Variants in APMAP observed in about 807,000 individuals in gnomAD.
APMAP encodes the protein adipocyte plasma membrane-associated protein.
A neutral mutation model predicts 43.6 loss-of-function variants in APMAP; 33 were observed. The observed-to-expected ratio is 0.76, with a 90% CI of 0.57 to 1.01. The LOEUF (loss-of-function observed/expected upper bound fraction) is 1.01, where lower values mean the gene tolerates loss of function less well. Ranked by LOEUF, APMAP falls within the 50% of genes least tolerant of loss-of-function variation. APMAP has a pLI of 0.00. For missense variants in APMAP, 498 were observed against 540.7 expected, an observed-to-expected ratio of 0.92 and a Z score of 0.78; for synonymous variants, 224 against 216.7, an observed-to-expected ratio of 1.03 and a Z score of -0.30.
Position 24,963,820 on chromosome 20 carries a change from G to T in APMAP, c.1244C>A (p.Ala415Asp). Residue 415 changes from alanine (A) to aspartate (D), a missense_variant, in exon 9 of 9, where the codon GCT (alanine) becomes GAT (aspartate). Ala to Asp is a moderately radical substitution (Grantham distance 126, BLOSUM62 -2). Coordinates refer to ENST00000217456, the MANE Select transcript of APMAP (RefSeq NM_020531.3). ...SPFLCRLSLQ[A>D]V ...GGCAGCTATCTGGGAGGGCTAAACAGCCTGGAGGCTGAGTCTGCAGAGGAA... is the reference window on the plus strand; with the variant it reads ...GGCAGCTATCTGGGAGGGCTAAACATCCTGGAGGCTGAGTCTGCAGAGGAA... 1 of 1,614,142 alleles carries T rather than the reference G, an allele frequency of 6.2e-7. No homozygotes were observed.
At chr20:24,983,525 C>T (rs1189590575) in intron 2 of APMAP, among the ~76,000 whole-genome samples, 1 of 152,170 alleles carries the variant, frequency 6.6e-6, no homozygotes, top group Non-Finnish European at 1.5e-5. Flanking sequence ...AAAAAGAACA[C>T]TAATTATGGG....
chr20:24,979,543 T>C (rs2088082653), intron 2 of APMAP, among the ~76,000 whole-genome samples: 1 of 152,094 alleles, frequency 6.6e-6, no homozygotes, highest in South Asian at 2.1e-4. Context: ...CAACCCACCA[T>C]CAAGTTCTGC....
At chr20:24,978,653 T>C in intron 3 of APMAP, 114 bp downstream of exon 3, 2 of 791,934 alleles carry the variant, frequency 2.5e-6, no homozygotes, top group East Asian at 2.7e-5. Flanking sequence ...CTAAGAAGGA[T>C]GTGCAGGGCC....
Position 24,970,293 on chromosome 20 carries a change from G to C in APMAP, c.617C>G (p.Thr206Ser), listed in dbSNP as rs762759118. Residue 206 changes from threonine (T) to serine (S), a missense_variant, in exon 6 of 9, where the codon ACT becomes AGT. Transcript: ENST00000217456. ...GAAATAAATCTTCCTCCCATCCTGA[G>C]TGACTGTAAGATCATTCACAAAGGA... Reference protein sequence around the residue: ...NMSFVNDLTVTQDGRKIYFTD... With the variant: ...NMSFVNDLTVSQDGRKIYFTD... 1 of 1,614,064 alleles carries C rather than the reference G, an allele frequency of 6.2e-7. No individual in the cohort carries two copies. The highest frequency in any genetic ancestry group is 1.1e-5 in the South Asian group (1 of 91,074).
chr20:24,983,786 T>G (rs1254810666), intron 2 of APMAP, 117 bp downstream of exon 2: 9 of 660,840 alleles, frequency 1.4e-5, no homozygotes, highest in Non-Finnish European at 2.2e-5. Context: ...AAAACTCTAT[T>G]TCTCCTAACT....
At chr20:24,977,135 T>C (rs985717707) in intron 3 of APMAP, among the ~76,000 whole-genome samples, 1 of 152,222 alleles carries the variant, frequency 6.6e-6, no homozygotes, top group African/African-American at 2.4e-5. Context: ...ACCCATAGAA[T>C]GTATAAAACC....
chr20:24,991,413 C>T (rs778097721), intron 1 of APMAP, among the ~76,000 whole-genome samples: 4 of 152,218 alleles, frequency 2.6e-5, no homozygotes, highest in African/African-American at 4.8e-5. Flanking sequence ...TCCAGGGCAA[C>T]GCAGGATGGT....
At chr20:24,984,366 T>C (rs768122129) in intron 1 of APMAP, among the ~76,000 whole-genome samples, 1 of 152,168 alleles carries the variant, frequency 6.6e-6, no homozygotes, top group African/African-American at 2.4e-5. Flanking sequence ...ATGACATAAA[T>C]GATACACACT....
At position 24,983,896 on chromosome 20, in the gene APMAP, A is replaced by G; in HGVS notation, c.212+7T>C. 5.0e-6 allele frequency: 8 copies of G among 1,591,018 alleles called. No individual in the cohort carries two copies. The highest frequency in any genetic ancestry group is 6.9e-6 in the Non-Finnish European group (8 of 1,160,518). On this transcript the variant is annotated splice_region_variant and intron_variant, in intron 2 of 8. Coordinates refer to ENST00000217456, the MANE Select transcript of APMAP (RefSeq NM_020531.3). ...CAACCCCTCCTGAGGACTGCGGGGC[A>G]GCCTACCTGAGAGGCTGTGGATCTA... is the stretch of plus-strand genomic sequence containing the variant.
Position 24,963,979 on chromosome 20 carries a change from C to T in APMAP, c.1085G>A (p.Ser362Asn), listed in dbSNP as rs373605988. 27 of 1,614,118 alleles carry T rather than the reference C, an allele frequency of 1.7e-5. No individual in the cohort carries two copies. Among genetic ancestry groups the T allele is most frequent in the Middle Eastern group, 1.6e-4 (1 of 6,084 alleles). Residue 362 changes from serine to asparagine, a missense_variant, in exon 9 of 9, where the codon AGC becomes AAC. Coordinates refer to ENST00000217456, the MANE Select transcript of APMAP (RefSeq NM_020531.3). ...GCTGTCGCTGAGTTCTAGGACGAGG[C>T]TGTACCGCGGCACAAACTTCATCAC... ...ETVMKFVPRY[S>N]LVLELSDSGA... is the part of the protein sequence containing the mutation.
chr20:24,982,065 C>A (rs978956073), intron 2 of APMAP, among the ~76,000 whole-genome samples: 5 of 152,218 alleles, frequency 3.3e-5, no homozygotes, highest in African/African-American at 1.2e-4. Context: ...GTGTGCCATG[C>A]CAAAAGCAGA....
In APMAP at chr20:24,969,659, G is replaced by C; in HGVS notation, c.715C>G (p.Leu239Val). ...LVMEGTDDGR[L>V]LEYDTVTREV... Reference sequence around the variant, plus strand: ...CTGGTCACAGTATCATACTCCAGCAGGCTGTGGAACACCAAAAGCAGAGGG... The same window carrying C: ...CTGGTCACAGTATCATACTCCAGCACGCTGTGGAACACCAAAAGCAGAGGG... Residue 239 changes from leucine to valine, a missense_variant and splice_region_variant, in exon 7 of 9, where the codon CTG becomes GTG. Coordinates refer to ENST00000217456, the MANE Select transcript of APMAP (RefSeq NM_020531.3). The C allele has an allele frequency of 6.2e-7, 1 of 1,610,532 alleles. No homozygotes were observed. The highest frequency in any genetic ancestry group is 8.5e-7 in the Non-Finnish European group (1 of 1,177,218).
intron 2 of APMAP, among the ~76,000 whole-genome samples, chr20:24,980,201 G>A (rs1320820669): frequency 6.6e-6 from 1 of 152,222 alleles, no homozygotes; most frequent in Admixed American, 6.5e-5. Flanking sequence ...CACTGCTGGA[G>A]GAAACCAAAG....
intron 5 of APMAP, among the ~76,000 whole-genome samples, chr20:24,970,700 T>C (rs1230141154): frequency 6.6e-6 from 1 of 152,258 alleles, no homozygotes; most frequent in Non-Finnish European, 1.5e-5. Context: ...GACATTCTAC[T>C]CATCTCCTTT....
chr20:24,992,729 T>G lies in APMAP; in HGVS notation c.-41A>C. The G allele has an allele frequency of 1.4e-6, 2 of 1,417,470 alleles. No individual in the cohort carries two copies. The highest frequency in any genetic ancestry group is 1.5e-5 in the African/African-American group (1 of 68,630). The allele number at this position is 1,417,470 out of a possible 1,614,324, so 87.8% of individuals were successfully genotyped here. The stretch of plus-strand genomic sequence containing the variant: ...CTCACCCGCAGAAACCACCTCACAC[T>G]GAGCGGCGCCGGCTCAGACTCCAGG... On this transcript the variant is annotated 5_prime_UTR_variant, in exon 1 of 9. Coordinates refer to ENST00000217456, the MANE Select transcript of APMAP (RefSeq NM_020531.3).
chr20:24,967,520 G>A (rs1213486844), intron 8 of APMAP, among the ~76,000 whole-genome samples: 3 of 152,146 alleles, frequency 2.0e-5, no homozygotes, highest in African/African-American at 4.8e-5. Context: ...AGGTGTGGAG[G>A]ATGACAAATG....
intron 3 of APMAP, among the ~76,000 whole-genome samples, chr20:24,974,993 ACT>A (rs1022005607): frequency 6.6e-6 from 1 of 152,088 alleles, no homozygotes; most frequent in African/African-American, 2.4e-5. Flanking sequence ...ATGATTAAAA[ACT>A]CTCAGCAAGC....
At chr20:24,967,584 A>G (rs1600279837) in intron 8 of APMAP, among the ~76,000 whole-genome samples, 1 of 152,256 alleles carries the variant, frequency 6.6e-6, no homozygotes, top group East Asian at 1.9e-4. Flanking sequence ...TGCACATTCT[A>G]TTCAGGGGAA....
chr20:24,963,897 G>A lies in APMAP; in HGVS notation c.1167C>T (p.Ser389=), dbSNP rs370222954. Residue 389 remains serine, a synonymous_variant, in exon 9 of 9, where the codon AGC becomes AGT. Coordinates refer to ENST00000217456, the MANE Select transcript of APMAP (RefSeq NM_020531.3). ...GGTGCCCATCGTGTTCGTGCACCTCGCTGATGTAGGTGGCCACCAGCCCAT... is the reference window on the plus strand; with the variant it reads ...GGTGCCCATCGTGTTCGTGCACCTCACTGATGTAGGTGGCCACCAGCCCAT... ...DPDGLVATYI[S]EVHEHDGHLY... is the part of the protein sequence containing the mutation. The A allele has an allele frequency of 1.1e-5, 18 of 1,614,114 alleles. No individual in the cohort carries two copies. The highest frequency in any genetic ancestry group is 7.7e-5 in the South Asian group (7 of 91,086).
Sources: allele counts gnomAD v4.1 joint callset (sites outside exome capture counted in the v4.1 genomes callset), GRCh38; gene constraint gnomAD v4.1.1; transcripts MANE v1.5; gene names NCBI Gene and HGNC (gene_info 2026-07-23, HGNC 2026-07-21).